Variants in UNC13C observed in about 807,000 individuals in gnomAD.
UNC13C encodes protein unc-13 homolog C.
UNC13C carries 174 observed loss-of-function variants against 245.4 expected under a neutral mutation model. The observed-to-expected ratio is 0.71, with a 90% CI of 0.63 to 0.80. UNC13C has a LOEUF of 0.80. UNC13C is among the 30% of genes least tolerant of loss of function. The pLI, the probability that UNC13C is intolerant of heterozygous loss-of-function variation, is 0.00. For synonymous variants in UNC13C, 992 were observed against 895.1 expected, an observed-to-expected ratio of 1.11 and a Z score of -1.93; for missense variants, 2,829 against 2,602.9, an observed-to-expected ratio of 1.09 and a Z score of -1.89.
chr15:53,872,187 C>T, the UNC13C span, among the ~76,000 whole-genome samples: 1 of 152,156 alleles, frequency 6.6e-6, no homozygotes, highest in South Asian at 2.1e-4. Context: ...GCCCCAGCTG[C>T]ATTTTCAGAG....
intron 4 of UNC13C, among the ~76,000 whole-genome samples, chr15:54,164,292 T>C (rs960858216): frequency 9.2e-5 from 14 of 152,348 alleles, no homozygotes; most frequent in African/African-American, 2.6e-4. Flanking sequence ...AAAATATGTT[T>C]ATGCTCCATC....
intron 2 of UNC13C, among the ~76,000 whole-genome samples, chr15:54,132,822 CT>C (rs1436927540): frequency 6.6e-6 from 1 of 152,170 alleles, no homozygotes; most frequent in African/African-American, 2.4e-5. Context: ...GAAATTTATA[CT>C]GTGTTATCAC....
intron 9 of UNC13C, 115 bp downstream of exon 9, chr15:54,264,510 T>A: frequency 2.4e-6 from 2 of 836,210 alleles, no homozygotes; most frequent in Non-Finnish European, 3.7e-6. Context: ...TGAATCATGT[T>A]AATATGAACA....
rs147013397 is a variant in UNC13C at position 54,362,584 on chromosome 15, G to A, written c.4713+24095G>A. On this transcript the variant is annotated intron_variant, in intron 17 of 32. Coordinates refer to ENST00000260323, the MANE Select transcript of UNC13C (RefSeq NM_001080534.3). Reference sequence around the variant, plus strand: ...CTTTTCTCAGTTTTTTTCCATTGCAGGGTTCACAAAAACGGAGTTATAGAA... The same window carrying A: ...CTTTTCTCAGTTTTTTTCCATTGCAAGGTTCACAAAAACGGAGTTATAGAA... Among the ~76,000 whole-genome samples, 216 of 152,170 alleles carry A rather than the reference G, an allele frequency of 1.4e-3. 2 individuals are homozygous for A. Among genetic ancestry groups the A allele is most frequent in the Admixed American group, 5.0e-3 (77 of 15,284 alleles).
chr15:54,501,026 C>G, intron 22 of UNC13C, 48 bp downstream of exon 22: 1 of 1,584,938 alleles, frequency 6.3e-7, no homozygotes, highest in Non-Finnish European at 8.6e-7. Flanking sequence ...CTGTGGCAAT[C>G]TGAAAAATGC....
intron 2 of UNC13C, chr15:54,048,446 G>C: frequency 1.7e-6 from 1 of 604,418 alleles, no homozygotes; most frequent in Non-Finnish European, 3.2e-6. Flanking sequence ...TATTGATCTG[G>C]ATTGCTTGAT....
intron 29 of UNC13C, among the ~76,000 whole-genome samples, chr15:54,560,746 G>C (rs931251846): frequency 9.2e-5 from 14 of 151,794 alleles, no homozygotes; most frequent in African/African-American, 3.1e-4. Context: ...ATAATATCAG[G>C]ATAGGAGGTG....
chr15:54,440,084 G>GT (rs1890434456), intron 19 of UNC13C, among the ~76,000 whole-genome samples: 1 of 151,922 alleles, frequency 6.6e-6, no homozygotes, highest in Admixed American at 6.6e-5. Flanking sequence ...TGGGGGGTGG[G>GT]TTCCCCCATG....
At chr15:54,538,354 G>C in intron 26 of UNC13C, among the ~76,000 whole-genome samples, 1 of 151,960 alleles carries the variant, frequency 6.6e-6, no homozygotes, top group East Asian at 1.9e-4. Context: ...AACAGATCCT[G>C]ATGAGGTTGT....
the UNC13C span, among the ~76,000 whole-genome samples, chr15:53,902,625 A>T: frequency 5.9e-5 from 9 of 152,146 alleles, no homozygotes; most frequent in Non-Finnish European, 1.3e-4. Flanking sequence ...CTCATATTAA[A>T]CACTTTCTAC....
the UNC13C span, among the ~76,000 whole-genome samples, chr15:53,845,002 T>A: frequency 6.6e-6 from 1 of 152,146 alleles, no homozygotes. Flanking sequence ...GTTTAAGCAA[T>A]CTCAGAGAAA....
chr15:54,310,808 A>G (rs762566127), intron 13 of UNC13C, among the ~76,000 whole-genome samples: 1 of 151,740 alleles, frequency 6.6e-6, no homozygotes, highest in Non-Finnish European at 1.5e-5. Context: ...ACACACATGC[A>G]CACACACTTT....
At chr15:53,984,784 C>G (rs1225559780) in intron 1 of UNC13C, among the ~76,000 whole-genome samples, 1 of 151,994 alleles carries the variant, frequency 6.6e-6, no homozygotes, top group Non-Finnish European at 1.5e-5. Context: ...TAATTCAAGT[C>G]AGAAGCAAAC....
chr15:54,252,863 G>A (rs1312208267), intron 8 of UNC13C, among the ~76,000 whole-genome samples: 1 of 152,102 alleles, frequency 6.6e-6, no homozygotes, highest in Non-Finnish European at 1.5e-5. Flanking sequence ...ACCCTTGGTA[G>A]GCAGTTTAAC....
intron 2 of UNC13C, among the ~76,000 whole-genome samples, chr15:54,045,433 C>T (rs1021662946): frequency 8.5e-5 from 13 of 152,172 alleles, no homozygotes; most frequent in African/African-American, 2.4e-4. Context: ...CTGAATAATA[C>T]AATTGCTCTC....
chr15:54,142,926 A>G, intron 2 of UNC13C, 92 bp from the exon 3 acceptor site: 5 of 1,089,220 alleles, frequency 4.6e-6, no homozygotes, highest in South Asian at 1.3e-5. Flanking sequence ...ACAATGTAAC[A>G]TATTAACACT....
chr15:54,599,916 G>T (rs1899316364), intron 30 of UNC13C, among the ~76,000 whole-genome samples: 1 of 152,166 alleles, frequency 6.6e-6, no homozygotes, highest in South Asian at 2.1e-4. Context: ...TGAAGAGAAT[G>T]ATAATTACCT....
At chr15:54,182,377 A>G (rs1017041009) in intron 4 of UNC13C, among the ~76,000 whole-genome samples, 1 of 152,110 alleles carries the variant, frequency 6.6e-6, no homozygotes, top group Non-Finnish European at 1.5e-5. Flanking sequence ...CATCCCAGGA[A>G]TGAAACCTAC....
the UNC13C span, among the ~76,000 whole-genome samples, chr15:53,931,261 C>T: frequency 2.6e-5 from 4 of 152,110 alleles, no homozygotes; most frequent in Non-Finnish European, 4.4e-5. Flanking sequence ...CTCTGCCTCT[C>T]GGGTTCAAGT....
Sources: gnomAD v4.1 joint callset for allele counts (sites outside exome capture counted in the v4.1 genomes callset) on GRCh38, gnomAD v4.1.1 for gene constraint, MANE v1.5 for transcripts, NCBI Gene and HGNC (gene_info 2026-07-23, HGNC 2026-07-21) for gene names.